ARB2A: variants seen among roughly 807,000 people sequenced by gnomAD.
The protein encoded by ARB2A is ARB2 cotranscriptional regulator A.
At chr5:94,074,617 T>C in the ARB2A span, 1 of 1,566,246 alleles carries the variant, frequency 6.4e-7, no homozygotes, top group African/African-American at 1.4e-5. Context: ...ACAATGAAAA[T>C]TTCCTGAAAA....
the ARB2A span, among the ~76,000 whole-genome samples, chr5:93,689,212 C>T: frequency 6.6e-6 from 1 of 152,056 alleles, no homozygotes; most frequent in Non-Finnish European, 1.5e-5. Context: ...AATTTCTGTG[C>T]CACCACCCTC....
chr5:94,013,509 C>T, the ARB2A span, among the ~76,000 whole-genome samples: 1 of 151,994 alleles, frequency 6.6e-6, no homozygotes, highest in Admixed American at 6.6e-5. Context: ...ATCCTGTAAA[C>T]TCAAGAATTT....
chr5:93,847,675 C>T, the ARB2A span, among the ~76,000 whole-genome samples: 1 of 152,090 alleles, frequency 6.6e-6, no homozygotes, highest in Non-Finnish European at 1.5e-5. Context: ...AGCTTTGGAT[C>T]AAGCACTTTA....
chr5:93,789,166 A>G, the ARB2A span, among the ~76,000 whole-genome samples: 1 of 152,222 alleles, frequency 6.6e-6, no homozygotes. Flanking sequence ...TTTCTTTTTA[A>G]ATTATGACAT....
At chr5:93,834,762 C>T in the ARB2A span, among the ~76,000 whole-genome samples, 1 of 152,086 alleles carries the variant, frequency 6.6e-6, no homozygotes. Flanking sequence ...TTGTGTCATT[C>T]CAACCCACAG....
chr5:93,631,224 C>G, the ARB2A span, among the ~76,000 whole-genome samples: 1 of 152,190 alleles, frequency 6.6e-6, no homozygotes, highest in Non-Finnish European at 1.5e-5. Context: ...GCCTGCCTTG[C>G]TGTGGGTCTC....
At chr5:94,044,427 T>G in the ARB2A span, among the ~76,000 whole-genome samples, 1 of 152,104 alleles carries the variant, frequency 6.6e-6, no homozygotes, top group East Asian at 1.9e-4. Flanking sequence ...CGGACTGAGC[T>G]CCTCTCTACC....
chr5:93,971,870 T>C, the ARB2A span, among the ~76,000 whole-genome samples: 1 of 152,094 alleles, frequency 6.6e-6, no homozygotes, highest in African/African-American at 2.4e-5. Flanking sequence ...ATCTAATCCT[T>C]GGCATGGTCT....
the ARB2A span, among the ~76,000 whole-genome samples, chr5:94,102,503 C>T: frequency 2.0e-5 from 3 of 152,044 alleles, no homozygotes; most frequent in South Asian, 6.2e-4. Context: ...TGAACAAAAT[C>T]TCCAAAAAAC....
the ARB2A span, among the ~76,000 whole-genome samples, chr5:94,050,456 T>C: frequency 6.6e-6 from 1 of 152,018 alleles, no homozygotes; most frequent in African/African-American, 2.4e-5. Flanking sequence ...GGTTTCACCA[T>C]GTTAGCCAGG....
the ARB2A span, among the ~76,000 whole-genome samples, chr5:93,712,135 C>T: frequency 6.6e-6 from 1 of 152,134 alleles, no homozygotes; most frequent in Non-Finnish European, 1.5e-5. Flanking sequence ...ACGGATCCAT[C>T]CACAGAGTCT....
At chr5:94,043,729 A>C in the ARB2A span, among the ~76,000 whole-genome samples, 1 of 152,134 alleles carries the variant, frequency 6.6e-6, no homozygotes, top group East Asian at 1.9e-4. Flanking sequence ...TCAAAAGGAG[A>C]ATAATTTACC....
chr5:94,022,602 T>C, the ARB2A span, among the ~76,000 whole-genome samples: 6 of 152,174 alleles, frequency 3.9e-5, no homozygotes, highest in African/African-American at 1.4e-4. Flanking sequence ...GAGCAAATAA[T>C]ACTATACTAA....
the ARB2A span, among the ~76,000 whole-genome samples, chr5:93,694,567 T>C: frequency 4.6e-5 from 7 of 152,344 alleles, no homozygotes; most frequent in South Asian, 1.4e-3. Context: ...AAACATTTCA[T>C]GCTCATGGAT....
chr5:93,823,084 T>C, the ARB2A span, among the ~76,000 whole-genome samples: 110 of 152,316 alleles, frequency 7.2e-4, no homozygotes, highest in African/African-American at 2.1e-3. Flanking sequence ...TCTGGTTCAA[T>C]GTCCACTTAG....
chr5:93,827,240 C>T, the ARB2A span, among the ~76,000 whole-genome samples: 1 of 152,178 alleles, frequency 6.6e-6, no homozygotes, highest in African/African-American at 2.4e-5. Context: ...TATTTCTCCA[C>T]ATCCTCTCCA....
the ARB2A span, among the ~76,000 whole-genome samples, chr5:93,835,459 A>G: frequency 6.6e-6 from 1 of 152,258 alleles, no homozygotes; most frequent in Non-Finnish European, 1.5e-5. Context: ...AAGTACTCCT[A>G]TAATATACAC....
chr5:94,004,708 C>T, the ARB2A span, among the ~76,000 whole-genome samples: 1 of 151,814 alleles, frequency 6.6e-6, no homozygotes, highest in East Asian at 1.9e-4. Context: ...TATCAATTCC[C>T]CATGAATACT....
At chr5:93,977,106 A>G in the ARB2A span, among the ~76,000 whole-genome samples, 1 of 152,112 alleles carries the variant, frequency 6.6e-6, no homozygotes. Flanking sequence ...ACAGATGACA[A>G]AAACAAATGG....
Sources: allele counts gnomAD v4.1 joint callset (sites outside exome capture counted in the v4.1 genomes callset), GRCh38; gene constraint gnomAD v4.1.1; transcripts MANE v1.5; gene names NCBI Gene and HGNC (gene_info 2026-07-23, HGNC 2026-07-21).